The following CFAP70 variants were observed in gnomAD, a reference collection of about 807,000 sequenced individuals.
The protein encoded by CFAP70 is cilia and flagella associated protein 70.
A neutral mutation model predicts 137.6 loss-of-function variants in CFAP70; 81 were observed. The observed-to-expected ratio is 0.59, with a 90% CI of 0.49 to 0.71. CFAP70 has a LOEUF of 0.71. CFAP70 is among the 30% of genes least tolerant of loss of function. CFAP70 has a pLI of 0.00. For synonymous variants in CFAP70, 382 were observed against 423.6 expected (o/e 0.90, Z 1.20); for missense variants, 976 against 1,226.7 (o/e 0.80, Z 3.05).
chr10:73,268,163 T>C (rs963576163), intron 25 of CFAP70, among the ~76,000 whole-genome samples: 12 of 152,202 alleles, frequency 7.9e-5, no homozygotes, highest in African/African-American at 2.9e-4. Context: ...AATAGATTAA[T>C]CTTAGGGGAG....
chr10:73,284,758 A>AAAAGT (rs2047534093), intron 19 of CFAP70, among the ~76,000 whole-genome samples: 1 of 22,314 alleles, frequency 4.5e-5, no homozygotes, highest in Non-Finnish European at 8.0e-5. Flanking sequence ...ATATATATAT[A>AAAAGT]TATATATATA....
chr10:73,279,030 T>C (rs1328638461), intron 19 of CFAP70: 1 of 150,466 alleles, frequency 6.6e-6, no homozygotes, highest in Non-Finnish European at 1.5e-5. Context: ...TGTGTATGTA[T>C]GTTTAAGCTT....
intron 1 of CFAP70, among the ~76,000 whole-genome samples, 164 bp from the exon 2 acceptor site, chr10:73,354,999 G>C (rs945571976): frequency 6.6e-6 from 1 of 152,160 alleles, no homozygotes; most frequent in Admixed American, 6.5e-5. Flanking sequence ...GTGCTTTAGG[G>C]AGCTGGTCAC....
At chr10:73,278,525 A>T (rs1564773091) in intron 19 of CFAP70, among the ~76,000 whole-genome samples, 188 bp from the exon 21 acceptor site, 1 of 152,244 alleles carries the variant, frequency 6.6e-6, no homozygotes, top group Non-Finnish European at 1.5e-5. Flanking sequence ...CTGACAAAAC[A>T]GTTTCTGTCA....
chr10:73,327,112 A>ACTG (rs2051530085), intron 8 of CFAP70, among the ~76,000 whole-genome samples: 1 of 149,286 alleles, frequency 6.7e-6, no homozygotes, highest in Non-Finnish European at 1.5e-5. Context: ...AACCGAATCC[A>ACTG]GCAGCACATC....
At chr10:73,349,412 G>A (rs1298683540) in intron 3 of CFAP70, among the ~76,000 whole-genome samples, 1 of 151,894 alleles carries the variant, frequency 6.6e-6, no homozygotes, top group African/African-American at 2.4e-5. Context: ...GCGTGGTGGC[G>A]GGCACCTGTA....
At chr10:73,255,165 G>A (rs1024597447) in intron 26 of CFAP70, among the ~76,000 whole-genome samples, 14 of 152,146 alleles carry the variant, frequency 9.2e-5, no homozygotes, top group Non-Finnish European at 1.6e-4. Context: ...TTGGGAGGCC[G>A]AGGCGGGGGG....
At chr10:73,328,365 A>G (rs2051693715) in intron 8 of CFAP70, among the ~76,000 whole-genome samples, 1 of 151,902 alleles carries the variant, frequency 6.6e-6, no homozygotes, top group Non-Finnish European at 1.5e-5. Flanking sequence ...CTTAAACGTT[A>G]GACCTAAAAC....
Position 73,296,894 on chromosome 10 carries a change from G to A in CFAP70, c.1644+148C>T. 3 of 875,110 alleles carry A rather than the reference G, an allele frequency of 3.4e-6. No individual in the cohort carries two copies. In the South Asian group the frequency reaches 7.2e-5, roughly 21 times the overall value. 54.2% of individuals were successfully genotyped at this position (875,110 alleles called of 1,614,324 possible). A position where few individuals can be genotyped will look rare whatever the true frequency, so the allele number is the denominator to read the frequency against. On this transcript the variant is annotated intron_variant, in intron 15 of 26. Coordinates refer to ENST00000310715, the Ensembl canonical transcript of CFAP70. ...GTCTTAAACTGATTAGGCTTAGGCA[G>A]TTTCTTACTCATCTTTGTGTTTTCA...
upstream of CFAP70, chr10:73,358,942 G>T (rs1430006487): frequency 6.6e-6 from 1 of 152,232 alleles, no homozygotes. Flanking sequence ...CTTGCCAAGA[G>T]TTGGGTTTAA....
At chr10:73,282,826 C>CTTTTTTTTTTTTTTTTTTTT (rs1203127459) in intron 19 of CFAP70, among the ~76,000 whole-genome samples, 1 of 90,924 alleles carries the variant, frequency 1.1e-5, no homozygotes, top group Non-Finnish European at 2.2e-5. Context: ...TTCCTGTTAT[C>CTTTTTTTTTTTTTTTTTTTT]TTTTTTTTTT....
chr10:73,340,628 G>T (rs997097903), intron 6 of CFAP70, among the ~76,000 whole-genome samples: 2 of 152,240 alleles, frequency 1.3e-5, no homozygotes, highest in African/African-American at 4.8e-5. Flanking sequence ...ATGCCAAGCT[G>T]CCCTCAGTGG....
intron 16 of CFAP70, among the ~76,000 whole-genome samples, chr10:73,292,878 C>A (rs186567965): frequency 3.7e-4 from 57 of 152,146 alleles, no homozygotes; most frequent in Middle Eastern, 6.8e-3. Context: ...GATCATGCTT[C>A]GGTGTCACGT....
chr10:73,265,362 AT>A (rs893447933), intron 25 of CFAP70, among the ~76,000 whole-genome samples: 6 of 151,476 alleles, frequency 4.0e-5, no homozygotes, highest in African/African-American at 1.5e-4. Flanking sequence ...ATTCATGTAT[AT>A]TTTCTTCTTT....
chr10:73,254,568 T>C (rs569249632), intron 26 of CFAP70, among the ~76,000 whole-genome samples: 16 of 152,318 alleles, frequency 1.1e-4, no homozygotes, highest in Non-Finnish European at 1.8e-4. Flanking sequence ...TGCAGTCAGC[T>C]AAAAAGCCAC....
At chr10:73,353,451 T>A in intron 3 of CFAP70, 105 bp downstream of exon 3, 2 of 1,049,388 alleles carry the variant, frequency 1.9e-6, no homozygotes, top group Non-Finnish European at 2.8e-6. Flanking sequence ...TTTCTCATGA[T>A]TTTAGTTACA....
At chr10:73,299,974 G>C (rs2048827545) in intron 12 of CFAP70, among the ~76,000 whole-genome samples, 1 of 152,150 alleles carries the variant, frequency 6.6e-6, no homozygotes, top group Non-Finnish European at 1.5e-5. Flanking sequence ...GGTATACAAG[G>C]GCTGTTTGAC....
intron 12 of CFAP70, among the ~76,000 whole-genome samples, chr10:73,301,113 G>A (rs184424829): frequency 6.6e-6 from 1 of 152,320 alleles, no homozygotes; most frequent in East Asian, 1.9e-4. Flanking sequence ...TGGAATGCAG[G>A]AGCATATTTC....
In CFAP70 at chr10:73,341,586, A is replaced by G; in HGVS notation, c.400-5T>C. 6.2e-7 allele frequency: 1 copy of G among 1,611,402 alleles called. No individual in the cohort carries two copies. The highest frequency in any genetic ancestry group is 8.5e-7 in the Non-Finnish European group (1 of 1,179,102). On this transcript the variant is annotated splice_region_variant and splice_polypyrimidine_tract_variant and intron_variant, in intron 5 of 26. Transcript: ENST00000310715. ...AAATAAAATGGGATAGTCCTTCTACAGAAATAGATACCATATGTCAGGAAA... is the reference window on the plus strand; with the variant it reads ...AAATAAAATGGGATAGTCCTTCTACGGAAATAGATACCATATGTCAGGAAA...
Sources: gnomAD v4.1 joint callset for allele counts (sites outside exome capture counted in the v4.1 genomes callset) on GRCh38, gnomAD v4.1.1 for gene constraint, MANE v1.5 for transcripts, NCBI Gene and HGNC (gene_info 2026-07-23, HGNC 2026-07-21) for gene names.